The following DMD variants were observed in gnomAD, a reference collection of about 807,000 sequenced individuals.
The protein encoded by DMD is mutant dystrophin.
In DMD, 63 loss-of-function variants were observed where a neutral mutation model predicts 330.1. The observed-to-expected ratio is 0.19, with a 90% CI of 0.16 to 0.24. The LOEUF is 0.24. Ranked by LOEUF, DMD falls within the 10% of genes least tolerant of loss-of-function variation. DMD has a pLI of 1.00. For synonymous variants in DMD, 1,223 were observed against 959.8 expected (o/e 1.27, Z -5.07); for missense variants, 3,344 against 2,684.1 (o/e 1.25, Z -5.43).
At chrX:32,352,370 A>T (rs2097784666) in intron 37 of DMD, among the ~76,000 whole-genome samples, 1 of 111,250 alleles carries the variant, frequency 9.0e-6, no homozygotes, top group South Asian at 3.7e-4. Context: ...TAGTTGCCAT[A>T]GTAAAAAACA....
intron 1 of DMD, among the ~76,000 whole-genome samples, chrX:33,110,602 C>T (rs1248004931): frequency 9.0e-6 from 1 of 111,341 alleles, no homozygotes; most frequent in Non-Finnish European, 1.9e-5. Context: ...ATTGCTAATA[C>T]CGTTCTGTGT....
chrX:32,796,554 TAG>T (rs2148662339), intron 7 of DMD, among the ~76,000 whole-genome samples: 1 of 111,420 alleles, frequency 9.0e-6, no homozygotes, highest in Non-Finnish European at 1.9e-5. Flanking sequence ...AAGGGGTGAC[TAG>T]AGTTAGCAAC....
intron 41 of DMD, among the ~76,000 whole-genome samples, chrX:32,335,502 A>T (rs2097701799): frequency 1.6e-5 from 1 of 64,454 alleles, no homozygotes; most frequent in Non-Finnish European, 3.5e-5. Flanking sequence ...TATACATGTT[A>T]TATATATAAC....
At chrX:32,984,921 G>A (rs892612131) in intron 2 of DMD, among the ~76,000 whole-genome samples, 7 of 111,423 alleles carry the variant, frequency 6.3e-5, no homozygotes, top group Admixed American at 5.8e-4. Flanking sequence ...TAATAGTGCA[G>A]CTTCAGGTCT....
intron 60 of DMD, among the ~76,000 whole-genome samples, chrX:31,420,079 AT>A (rs754668534): frequency 1.8e-5 from 2 of 112,427 alleles, no homozygotes; most frequent in African/African-American, 3.2e-5. Context: ...TGGCAAAAAA[AT>A]ATCAAAACTT....
At chrX:33,169,951 C>T (rs1016084093) in intron 1 of DMD, among the ~76,000 whole-genome samples, 4 of 110,817 alleles carry the variant, frequency 3.6e-5, no homozygotes, top group African/African-American at 1.3e-4. Context: ...GTAACCAATG[C>T]CTACTCAGGT....
chrX:32,544,091 C>G (rs979906043), intron 17 of DMD, among the ~76,000 whole-genome samples: 1 of 111,721 alleles, frequency 9.0e-6, no homozygotes, highest in African/African-American at 3.3e-5. Context: ...TGGCAGCATG[C>G]TAAATTTGGT....
intron 53 of DMD, among the ~76,000 whole-genome samples, chrX:31,674,089 A>C (rs981937985): frequency 9.8e-5 from 11 of 112,060 alleles, no homozygotes; most frequent in African/African-American, 3.2e-4. Context: ...TCAAACTACT[A>C]GTGTGGGTCA....
chrX:33,009,123 CGTATATATGTATATAT>C (rs2093496059), intron 2 of DMD, among the ~76,000 whole-genome samples: 1 of 21,295 alleles, frequency 4.7e-5, no homozygotes, highest in Non-Finnish European at 8.3e-5. Flanking sequence ...TGTATATATA[CGTATATATGTATATAT>C]ATGTGTATAT....
At chrX:32,846,723 TAAAA>T (rs10564725) in intron 3 of DMD, among the ~76,000 whole-genome samples, 102 of 53,584 alleles carry the variant, frequency 1.9e-3, no homozygotes, top group African/African-American at 6.6e-3. Context: ...ACTTTAGATT[TAAAA>T]AAAAAAAAAA....
chrX:31,624,673 G>T (rs2078743186), intron 55 of DMD, among the ~76,000 whole-genome samples: 1 of 111,313 alleles, frequency 9.0e-6, no homozygotes, highest in East Asian at 2.8e-4. Flanking sequence ...TGGCAGAGCT[G>T]TTGCTTTGGC....
At chrX:32,676,493 A>G (rs2061978847) in intron 9 of DMD, among the ~76,000 whole-genome samples, 1 of 111,287 alleles carries the variant, frequency 9.0e-6, no homozygotes, top group Non-Finnish European at 1.9e-5. Flanking sequence ...TTTCATTGCC[A>G]TTTTGGGGCA....
At chrX:31,242,700 ATGTGTG>A (rs3138883) in intron 63 of DMD, among the ~76,000 whole-genome samples, 212 of 95,094 alleles carry the variant, frequency 2.2e-3, no homozygotes, top group Middle Eastern at 5.1e-3. Flanking sequence ...ACAATAAGAT[ATGTGTG>A]TGTGTGTGTG....
intron 4 of DMD, among the ~76,000 whole-genome samples, chrX:32,825,047 C>A (rs2078587566): frequency 9.0e-6 from 1 of 111,595 alleles, no homozygotes; most frequent in Non-Finnish European, 1.9e-5. Context: ...ATCTGCCAGG[C>A]AATGAAGTAA....
chrX:32,777,003 TAAA>T (rs970995265), intron 7 of DMD, among the ~76,000 whole-genome samples: 58 of 109,367 alleles, frequency 5.3e-4, no homozygotes, highest in African/African-American at 1.9e-3. Flanking sequence ...AAATGGGTCA[TAAA>T]AAAGTATATC....
chrX:31,929,503 C>T, intron 47 of DMD, 93 bp downstream of exon 47: 1 of 1,033,099 alleles, frequency 9.7e-7, no homozygotes, highest in Non-Finnish European at 1.3e-6. Flanking sequence ...ATACCAGCCT[C>T]CTCCCCGACC....
chrX:33,316,331 A>C (rs1401830728), intron 1 of DMD, among the ~76,000 whole-genome samples: 1 of 111,151 alleles, frequency 9.0e-6, no homozygotes. Context: ...AAACCCCTGC[A>C]CTAATTCTCA....
chrX:33,009,019 T>C (rs2093484289), intron 2 of DMD, among the ~76,000 whole-genome samples: 1 of 98,729 alleles, frequency 1.0e-5, no homozygotes, highest in Non-Finnish European at 2.1e-5. Context: ...CATACACACG[T>C]ATATATACAC....
chrX:33,328,557 T>G (rs1235059889), intron 1 of DMD, among the ~76,000 whole-genome samples: 1 of 111,658 alleles, frequency 9.0e-6, no homozygotes, highest in East Asian at 2.8e-4. Flanking sequence ...AAGATATTTT[T>G]GTTCACAAAA....
Sources: allele counts gnomAD v4.1 joint callset (sites outside exome capture counted in the v4.1 genomes callset), GRCh38; gene constraint gnomAD v4.1.1; transcripts MANE v1.5; gene names NCBI Gene and HGNC (gene_info 2026-07-23, HGNC 2026-07-21).